Variants in RAB2A observed in about 807,000 individuals in gnomAD.
The protein encoded by RAB2A is RAB2A, member RAS oncogene family.
A neutral mutation model predicts 32.5 loss-of-function variants in RAB2A; 7 were observed. That is an observed-to-expected ratio of 0.22 (90% CI 0.12 to 0.40). RAB2A has a LOEUF of 0.40. Among genes scored for constraint, RAB2A ranks in the 10% least tolerant of loss-of-function variants. The probability of loss-of-function intolerance (pLI) is 1.00; values close to 1 mark genes in which losing one functional copy is unlikely to be tolerated. For synonymous variants in RAB2A, 79 were observed against 85.2 expected, an observed-to-expected ratio of 0.93 and a Z score of 0.40; for missense variants, 108 against 260.7, an observed-to-expected ratio of 0.41 and a Z score of 4.03.
chr8:60,547,807 T>G (rs560040373), intron 1 of RAB2A, among the ~76,000 whole-genome samples: 1 of 89,490 alleles, frequency 1.1e-5, no homozygotes, highest in Non-Finnish European at 2.2e-5. Flanking sequence ...ACTTCCCGGA[T>G]GGGGCGGCTG....
intron 5 of RAB2A, among the ~76,000 whole-genome samples, chr8:60,591,276 G>T (rs916091348): frequency 2.7e-5 from 4 of 149,670 alleles, no homozygotes; most frequent in African/African-American, 9.8e-5. Context: ...CTCTCACTCC[G>T]TTTCTCCTTT....
At chr8:60,596,522 G>A (rs955727164) in intron 6 of RAB2A, among the ~76,000 whole-genome samples, 10 of 152,198 alleles carry the variant, frequency 6.6e-5, no homozygotes, top group Non-Finnish European at 1.2e-4. Flanking sequence ...AGACATTTAT[G>A]CGGCCAACAA....
At chr8:60,593,749 G>A (rs1343799902) in intron 6 of RAB2A, among the ~76,000 whole-genome samples, 1 of 152,096 alleles carries the variant, frequency 6.6e-6, no homozygotes, top group African/African-American at 2.4e-5. Flanking sequence ...GATAATAGGT[G>A]CCAACAGTGA....
intron 1 of RAB2A, among the ~76,000 whole-genome samples, chr8:60,526,019 A>C (rs1333247260): frequency 1.2e-5 from 1 of 86,250 alleles, no homozygotes. Context: ...GTGTGTGTGT[A>C]CATATATATA....
At chr8:60,605,828 A>AATATAT (rs765737905) in intron 6 of RAB2A, among the ~76,000 whole-genome samples, 5,227 of 113,822 alleles carry the variant, frequency 0.046, 154 homozygotes, top group East Asian at 0.055. Context: ...AAAAGGGACT[A>AATATAT]ATACATATAT....
At chr8:60,589,372 A>G (rs896786003) in intron 5 of RAB2A, among the ~76,000 whole-genome samples, 2 of 152,208 alleles carry the variant, frequency 1.3e-5, no homozygotes, top group Admixed American at 6.5e-5. Flanking sequence ...AATAAATGAG[A>G]TGATTATTTT....
At chr8:60,526,056 T>TATATATAATATATA (rs1372267520) in intron 1 of RAB2A, among the ~76,000 whole-genome samples, 1 of 125,540 alleles carries the variant, frequency 8.0e-6, no homozygotes, top group East Asian at 2.5e-4. Context: ...TATATATATA[T>TATATATAATATATA]AAGTTTTCTG....
chr8:60,571,665 T>C (rs976543335), intron 2 of RAB2A, among the ~76,000 whole-genome samples: 21 of 152,198 alleles, frequency 1.4e-4, no homozygotes, highest in Admixed American at 3.9e-4. Flanking sequence ...CTATCCCTTT[T>C]AGTGTTTTTT....
intron 2 of RAB2A, among the ~76,000 whole-genome samples, chr8:60,560,755 T>TG (rs944646335): frequency 1.2e-4 from 18 of 151,890 alleles, no homozygotes; most frequent in African/African-American, 4.1e-4. Flanking sequence ...TTTGTTTTTT[T>TG]TTTTTAGCTC....
chr8:60,586,142 A>G (rs1803842684), intron 5 of RAB2A, among the ~76,000 whole-genome samples: 2 of 152,080 alleles, frequency 1.3e-5, no homozygotes, highest in South Asian at 2.1e-4. Flanking sequence ...TCTACAACAA[A>G]TTTTAAAATT....
In RAB2A at chr8:60,572,128, A is replaced by G; in HGVS notation, c.186+15A>G. On this transcript the variant is annotated intron_variant, in intron 3 of 7. Coordinates refer to ENST00000262646, the MANE Select transcript of RAB2A (RefSeq NM_002865.3). ...TATGGGATACGGTAAGTATAGGAAA[A>G]GTGCACTGTATGATCTCAGTAAAGT... The G allele has an allele frequency of 1.3e-6, 2 of 1,554,282 alleles. No individual in the cohort carries two copies. Among genetic ancestry groups the G allele is most frequent in the Non-Finnish European group, 1.8e-6 (2 of 1,130,402 alleles).
At chr8:60,553,927 A>G (rs1163919490) in intron 1 of RAB2A, among the ~76,000 whole-genome samples, 2 of 152,254 alleles carry the variant, frequency 1.3e-5, no homozygotes, top group East Asian at 3.8e-4. Context: ...TAAATTTGCC[A>G]GGGAGTGAAA....
rs2130825078 is a variant in RAB2A, at chr8:60,550,783, AAAACTCTCCAGTG to A, written c.47-8066_47-8054del. Among the ~76,000 whole-genome samples, 3 of 152,278 alleles carry A rather than the reference AAAACTCTCCAGTG, an allele frequency of 2.0e-5. No individual in the cohort carries two copies. In the South Asian group the frequency reaches 6.2e-4, roughly 32 times the overall value. ...GTAAAATTATATTACTTCTCTGCTG[AAAACTCTCCAGTG>A]AATCCCCTATTTTATCTCAATAAAC... is the stretch of plus-strand genomic sequence containing the variant. On this transcript the variant is annotated intron_variant, in intron 1 of 7. Transcript: ENST00000262646.
At chr8:60,564,493 G>A (rs927408369) in intron 2 of RAB2A, among the ~76,000 whole-genome samples, 3 of 151,788 alleles carry the variant, frequency 2.0e-5, no homozygotes, top group Non-Finnish European at 4.4e-5. Context: ...CATATTTTCT[G>A]TCTACAGTTT....
At chr8:60,603,737 G>C (rs1034903447) in intron 6 of RAB2A, among the ~76,000 whole-genome samples, 1 of 152,090 alleles carries the variant, frequency 6.6e-6, no homozygotes, top group Admixed American at 6.6e-5. Flanking sequence ...TATTAAAAAT[G>C]AGTGCAAATG....
chr8:60,576,970 C>T (rs1316248109), intron 3 of RAB2A, among the ~76,000 whole-genome samples: 2 of 152,180 alleles, frequency 1.3e-5, no homozygotes, highest in Non-Finnish European at 2.9e-5. Context: ...TTACCTCCCA[C>T]CTGTGGTCTC....
rs1807486644 is a variant in RAB2A at position 60,532,121 on chromosome 8, ACACT to A, written c.46+14874_46+14877del. Among the ~76,000 whole-genome samples, 4 of 152,194 alleles carry A rather than the reference ACACT, an allele frequency of 2.6e-5. No individual in the cohort carries two copies. In the South Asian group the frequency reaches 8.3e-4, roughly 32 times the overall value. On this transcript the variant is annotated intron_variant, in intron 1 of 7. Coordinates refer to ENST00000262646, the MANE Select transcript of RAB2A (RefSeq NM_002865.3). The stretch of plus-strand genomic sequence containing the variant: ...TGCCCAGCCTACCTTGATTTCTTCT[ACACT>A]CACTCTTAGTATTTTGTGGTACCAC...
intron 6 of RAB2A, 170 bp downstream of exon 6, chr8:60,592,139 C>CT: frequency 2.3e-6 from 1 of 425,938 alleles, no homozygotes; most frequent in Middle Eastern, 6.6e-4. Context: ...CTGTCAGACT[C>CT]TTAAATCATA....
At chr8:60,596,500 CTT>C (rs1804026818) in intron 6 of RAB2A, among the ~76,000 whole-genome samples, 3 of 152,178 alleles carry the variant, frequency 2.0e-5, no homozygotes, top group Non-Finnish European at 4.4e-5. Flanking sequence ...TGAACAGACA[CTT>C]TTCAAAAGAA....
Sources: gnomAD v4.1 joint callset for allele counts (sites outside exome capture counted in the v4.1 genomes callset) on GRCh38, gnomAD v4.1.1 for gene constraint, MANE v1.5 for transcripts, NCBI Gene and HGNC (gene_info 2026-07-23, HGNC 2026-07-21) for gene names.